The following HMG20A variants were observed in gnomAD, a reference collection of about 807,000 sequenced individuals.
The protein encoded by HMG20A is high mobility group 20A.
Under a neutral mutation model 43.9 loss-of-function variants are expected in HMG20A, and 17 were observed. That is an observed-to-expected ratio of 0.39 (90% CI 0.27 to 0.58). The LOEUF is 0.58. Ranked by LOEUF, HMG20A falls within the 20% of genes least tolerant of loss-of-function variation. The pLI is 0.59. For synonymous variants in HMG20A, 132 were observed against 147.5 expected (o/e 0.89, Z 0.76); for missense variants, 341 against 438.2 (o/e 0.78, Z 1.98).
At chr15:77,502,372 C>T in the HMG20A span, among the ~76,000 whole-genome samples, 2 of 152,218 alleles carry the variant, frequency 1.3e-5, no homozygotes, top group Admixed American at 6.5e-5. Context: ...TCTAGTTTGG[C>T]ACACACTGAT....
chr15:77,503,600 C>T, the HMG20A span, among the ~76,000 whole-genome samples: 1 of 152,190 alleles, frequency 6.6e-6, no homozygotes. Context: ...TATATTCCCA[C>T]TTGGCAGACC....
At chr15:77,426,381 TA>T (rs1270896100) in intron 1 of HMG20A, among the ~76,000 whole-genome samples, 1 of 152,194 alleles carries the variant, frequency 6.6e-6, no homozygotes, top group Non-Finnish European at 1.5e-5. Flanking sequence ...ACATGTTTTA[TA>T]TGTTACATGT....
the HMG20A span, among the ~76,000 whole-genome samples, chr15:77,501,298 C>A: frequency 6.6e-6 from 1 of 152,186 alleles, no homozygotes; most frequent in Non-Finnish European, 1.5e-5. Context: ...GATTTCCACA[C>A]CCACCACCCC....
chr15:77,437,456 G>A (rs1211989657), intron 1 of HMG20A, among the ~76,000 whole-genome samples: 2 of 152,172 alleles, frequency 1.3e-5, no homozygotes, highest in Admixed American at 6.5e-5. Flanking sequence ...GGTTTTTGAT[G>A]TTTTTGAAGT....
In HMG20A at chr15:77,433,547, C is replaced by G. The variant is rs532453526; in HGVS notation, c.-5+12543C>G. On this transcript the variant is annotated intron_variant, in intron 1 of 9. Transcript: ENST00000336216. Reference sequence around the variant, plus strand: ...AGAGAAGATATTTACAGAGCAATCTCTTTCGTGAACCTAAATGTGTTACTT... The same window carrying G: ...AGAGAAGATATTTACAGAGCAATCTGTTTCGTGAACCTAAATGTGTTACTT... 3.0e-4 allele frequency among the ~76,000 whole-genome samples: 45 copies of G among 152,268 alleles called. 1 individual carries two copies. Among genetic ancestry groups the G allele is most frequent in the Admixed American group, 1.2e-3 (19 of 15,290 alleles).
At chr15:77,510,093 G>A in the HMG20A span, among the ~76,000 whole-genome samples, 2 of 152,230 alleles carry the variant, frequency 1.3e-5, no homozygotes, top group South Asian at 4.2e-4. Context: ...CCCCCCACAG[G>A]GGCATCTGCG....
intron 4 of HMG20A, among the ~76,000 whole-genome samples, chr15:77,468,584 C>G (rs1336891199): frequency 1.4e-5 from 2 of 140,834 alleles, no homozygotes; most frequent in Non-Finnish European, 3.1e-5. Flanking sequence ...CTCTCTCTCT[C>G]TCTCTCTCTC....
At chr15:77,463,441 C>G (rs2072724637) in intron 2 of HMG20A, among the ~76,000 whole-genome samples, 2 of 152,156 alleles carry the variant, frequency 1.3e-5, no homozygotes, top group Admixed American at 1.3e-4. Context: ...ATCCATCTTT[C>G]TACCGCTCTT....
chr15:77,506,346 T>C, the HMG20A span, among the ~76,000 whole-genome samples: 2 of 152,120 alleles, frequency 1.3e-5, no homozygotes, highest in African/African-American at 4.8e-5. Flanking sequence ...AGTCCTCCCC[T>C]GTGCACTCCC....
chr15:77,445,048 T>G (rs1209155202), intron 1 of HMG20A, among the ~76,000 whole-genome samples: 1 of 152,040 alleles, frequency 6.6e-6, no homozygotes, highest in Non-Finnish European at 1.5e-5. Flanking sequence ...GTCAGTTGAT[T>G]AAAATGAAAA....
chr15:77,519,720 A>G, the HMG20A span, among the ~76,000 whole-genome samples: 1 of 152,162 alleles, frequency 6.6e-6, no homozygotes, highest in Non-Finnish European at 1.5e-5. Context: ...TTGTTTATAA[A>G]TTACCCAATC....
chr15:77,513,976 G>A, the HMG20A span, among the ~76,000 whole-genome samples: 141 of 152,132 alleles, frequency 9.3e-4, no homozygotes, highest in African/African-American at 3.3e-3. Flanking sequence ...TGCCCACCTC[G>A]GCCTCCCAAA....
chr15:77,468,590 C>G (rs993827222), intron 4 of HMG20A, among the ~76,000 whole-genome samples: 1 of 138,954 alleles, frequency 7.2e-6, no homozygotes, highest in African/African-American at 2.7e-5. Context: ...CTCTCTCTCT[C>G]TCTCTGTCAC....
intron 1 of HMG20A, among the ~76,000 whole-genome samples, chr15:77,429,771 A>G (rs1028710409): frequency 6.6e-6 from 1 of 152,214 alleles, no homozygotes; most frequent in Admixed American, 6.5e-5. Flanking sequence ...TAAGACATTC[A>G]TTTTTCACAA....
chr15:77,516,601 C>A, the HMG20A span, among the ~76,000 whole-genome samples: 1 of 152,162 alleles, frequency 6.6e-6, no homozygotes, highest in East Asian at 1.9e-4. Flanking sequence ...AAAAGACAAA[C>A]AAACCAACCA....
chr15:77,468,362 G>C (rs578036557), intron 4 of HMG20A, among the ~76,000 whole-genome samples: 35 of 151,882 alleles, frequency 2.3e-4, no homozygotes, highest in Non-Finnish European at 3.7e-4. Context: ...CTATTACGTA[G>C]GACAAAGGTT....
the HMG20A span, among the ~76,000 whole-genome samples, chr15:77,505,792 T>C: frequency 1.3e-5 from 2 of 152,212 alleles, no homozygotes; most frequent in African/African-American, 4.8e-5. Context: ...TTCACCGGTG[T>C]GCAAGCTCAG....
intron 2 of HMG20A, among the ~76,000 whole-genome samples, chr15:77,461,840 A>C (rs1470376143): frequency 6.6e-6 from 1 of 152,258 alleles, no homozygotes; most frequent in Non-Finnish European, 1.5e-5. Context: ...AATGAAAATG[A>C]CAGTGAAAGA....
the HMG20A span, among the ~76,000 whole-genome samples, chr15:77,506,563 A>G: frequency 6.6e-6 from 1 of 152,228 alleles, no homozygotes; most frequent in South Asian, 2.1e-4. Flanking sequence ...GAGCACCTAG[A>G]ACACAATTTA....
Sources: allele counts gnomAD v4.1 joint callset (sites outside exome capture counted in the v4.1 genomes callset), GRCh38; gene constraint gnomAD v4.1.1; transcripts MANE v1.5; gene names NCBI Gene and HGNC (gene_info 2026-07-23, HGNC 2026-07-21).